Variants in IGSF21 observed in about 807,000 individuals in gnomAD.
The protein encoded by IGSF21 is immunoglobulin superfamily member 21.
In IGSF21, 28 loss-of-function variants were observed where a neutral mutation model predicts 46.8. The ratio of observed to expected loss-of-function variants is 0.60; its 90% CI spans 0.44 to 0.82. The LOEUF is 0.82. IGSF21 is among the 40% of genes least tolerant of loss of function. The pLI, the probability that IGSF21 is intolerant of heterozygous loss-of-function variation, is 0.00. For synonymous variants in IGSF21, 284 were observed against 273.6 expected (o/e 1.04, Z -0.38); for missense variants, 624 against 665.5 (o/e 0.94, Z 0.69).
chr1:18,301,398 G>A (rs1193679216), intron 3 of IGSF21, among the ~76,000 whole-genome samples: 1 of 152,210 alleles, frequency 6.6e-6, no homozygotes, highest in Non-Finnish European at 1.5e-5. Flanking sequence ...GGAGTGCACT[G>A]GCACGATCTC....
chr1:18,194,574 C>G (rs2086989882), intron 1 of IGSF21, among the ~76,000 whole-genome samples: 1 of 152,222 alleles, frequency 6.6e-6, no homozygotes, highest in Non-Finnish European at 1.5e-5. Flanking sequence ...TGTGGTCACA[C>G]AGCCAACATC....
intron 1 of IGSF21, among the ~76,000 whole-genome samples, chr1:18,141,180 A>G (rs1462665119): frequency 6.6e-6 from 1 of 152,204 alleles, no homozygotes; most frequent in East Asian, 1.9e-4. Context: ...TTTGAGAAGG[A>G]AGGATCTTAA....
chr1:18,248,901 A>AC (rs915899607), intron 2 of IGSF21, among the ~76,000 whole-genome samples: 8 of 151,456 alleles, frequency 5.3e-5, no homozygotes, highest in African/African-American at 1.2e-4. Context: ...CATAGCATGG[A>AC]CCCCCCCAAG....
At chr1:18,235,368 G>A (rs554653704) in intron 2 of IGSF21, among the ~76,000 whole-genome samples, 1 of 152,278 alleles carries the variant, frequency 6.6e-6, no homozygotes, top group East Asian at 1.9e-4. Flanking sequence ...TTACCATGGG[G>A]GAGGAGTTAA....
Position 18,334,569 on chromosome 1 carries a change from C to A in IGSF21, c.306-323C>A, listed in dbSNP as rs570266748. On this transcript the variant is annotated intron_variant, in intron 3 of 9. Coordinates refer to ENST00000251296, the MANE Select transcript of IGSF21 (RefSeq NM_032880.5). The surrounding 1 kb of genome is among the most constrained non-coding windows in gnomAD (Gnocchi z 4.3). ...CATACTAAATGCCCATACCTCTTCA[C>A]CTGTGCCATCCTCACGGCTCCCTGG... is the stretch of plus-strand genomic sequence containing the variant. 3.3e-5 allele frequency among the ~76,000 whole-genome samples: 5 copies of A among 152,208 alleles called. No homozygotes were observed. Among genetic ancestry groups the A allele is most frequent in the Non-Finnish European group, 1.5e-5 (1 of 68,042 alleles).
At chr1:18,181,044 C>G (rs184743211) in intron 1 of IGSF21, among the ~76,000 whole-genome samples, 1 of 152,286 alleles carries the variant, frequency 6.6e-6, no homozygotes, top group East Asian at 1.9e-4. Flanking sequence ...ATCCCTGCAT[C>G]GGGCAGGGCT....
chr1:18,342,118 C>T (rs2085848976), intron 4 of IGSF21, among the ~76,000 whole-genome samples: 1 of 150,748 alleles, frequency 6.6e-6, no homozygotes, highest in Non-Finnish European at 1.5e-5. Flanking sequence ...TGTCTTGAGA[C>T]AGTCTTGCTC....
intron 1 of IGSF21, among the ~76,000 whole-genome samples, chr1:18,117,737 G>A (rs2086199870): frequency 6.6e-6 from 1 of 152,226 alleles, no homozygotes; most frequent in African/African-American, 2.4e-5. Flanking sequence ...AGGAGAGGAT[G>A]CATGGCAGGT....
chr1:18,138,405 G>A (rs768716213), intron 1 of IGSF21, among the ~76,000 whole-genome samples: 7 of 152,088 alleles, frequency 4.6e-5, no homozygotes, highest in Non-Finnish European at 7.4e-5. Flanking sequence ...ACGGGGGACC[G>A]TATTCCTACT....
chr1:18,198,543 A>G (rs2087032908), intron 1 of IGSF21, among the ~76,000 whole-genome samples: 1 of 152,256 alleles, frequency 6.6e-6, no homozygotes, highest in Admixed American at 6.5e-5. Flanking sequence ...GCCAGACCTT[A>G]AAAAATACAG....
chr1:18,197,975 C>A (rs973255524), intron 1 of IGSF21, among the ~76,000 whole-genome samples: 1 of 152,164 alleles, frequency 6.6e-6, no homozygotes, highest in African/African-American at 2.4e-5. Context: ...GTTTCTTCAT[C>A]TGTGTAGAGG....
At chr1:18,370,233 C>T (rs1036201948) in intron 6 of IGSF21, among the ~76,000 whole-genome samples, 3 of 152,152 alleles carry the variant, frequency 2.0e-5, no homozygotes, top group Admixed American at 6.5e-5. Flanking sequence ...TCATGACACC[C>T]GCCCAAAACC....
At chr1:18,350,633 A>G (rs527765390) in intron 4 of IGSF21, among the ~76,000 whole-genome samples, 16 of 151,856 alleles carry the variant, frequency 1.1e-4, no homozygotes, top group Non-Finnish European at 1.8e-4. Context: ...TGTCAAGGGG[A>G]AAAAAAATGC....
chr1:18,292,063 C>A lies in IGSF21; in HGVS notation c.305+76C>A. ...GGGAGTGGGGCAGAGGGCAGTTCTC[C>A]AGCCCTTTCACATCAATCCCTCGGT... On this transcript the variant is annotated intron_variant, in intron 3 of 9. Coordinates refer to ENST00000251296, the MANE Select transcript of IGSF21 (RefSeq NM_032880.5). 2.1e-6 allele frequency: 3 copies of A among 1,463,200 alleles called. No individual in the cohort carries two copies. The African/African-American group carries it at 4.2e-5, about 20-fold the overall frequency. The allele number at this position is 1,463,200 out of a possible 1,614,324, so 90.6% of individuals were successfully genotyped here.
In IGSF21 at chr1:18,317,620, C is replaced by T. The variant is rs757932500; in HGVS notation, c.306-17272C>T. Among the ~76,000 whole-genome samples, 11 of 152,310 alleles carry T rather than the reference C, an allele frequency of 7.2e-5. No individual in the cohort carries two copies. In the East Asian group the frequency reaches 2.1e-3, roughly 29 times the overall value. The stretch of plus-strand genomic sequence containing the variant: ...CTGGTGCACCCAATGGCTCCACATT[C>T]CTGGGACCTCCTGGTCCTTTTCTTT... On this transcript the variant is annotated intron_variant, in intron 3 of 9. Coordinates refer to ENST00000251296, the MANE Select transcript of IGSF21 (RefSeq NM_032880.5).
intron 1 of IGSF21, among the ~76,000 whole-genome samples, chr1:18,127,553 G>A (rs1256625891): frequency 1.3e-5 from 2 of 152,192 alleles, no homozygotes; most frequent in African/African-American, 2.4e-5. Flanking sequence ...CCACCTGCTA[G>A]ATGGGTCATC....
chr1:18,186,769 A>G (rs2086906805), intron 1 of IGSF21, among the ~76,000 whole-genome samples: 1 of 152,228 alleles, frequency 6.6e-6, no homozygotes, highest in Admixed American at 6.5e-5. Flanking sequence ...GGCTTTGCAT[A>G]TGCCTTTCCT....
intron 4 of IGSF21, among the ~76,000 whole-genome samples, chr1:18,358,756 G>A (rs1020737015): frequency 6.6e-6 from 1 of 152,168 alleles, no homozygotes; most frequent in Non-Finnish European, 1.5e-5. Flanking sequence ...TTCAGATCAG[G>A]AAACCAGGCT....
rs1056191901 is a variant in IGSF21, at chr1:18,230,935, C to G, written c.183+2925C>G. On this transcript the variant is annotated intron_variant, in intron 2 of 9. Transcript: ENST00000251296. ...TCTCCCTCTCCCCGCAGCCTGCCCCCCTCCTCCAAGCAGGGAGCTGCCGAG... is the reference window on the plus strand; with the variant it reads ...TCTCCCTCTCCCCGCAGCCTGCCCCGCTCCTCCAAGCAGGGAGCTGCCGAG... Among the ~76,000 whole-genome samples the G allele has an allele frequency of 3.3e-5, 5 of 151,956 alleles. No individual in the cohort carries two copies. In the South Asian group the frequency reaches 8.3e-4, roughly 25 times the overall value.
Sources: gnomAD v4.1 joint callset for allele counts (sites outside exome capture counted in the v4.1 genomes callset) on GRCh38, gnomAD v4.1.1 for gene constraint, Gnocchi (gnomAD v3.1) non-coding constraint, MANE v1.5 for transcripts, NCBI Gene and HGNC (gene_info 2026-07-23, HGNC 2026-07-21) for gene names.